The following PLEKHA4 variants were observed in gnomAD, a reference collection of about 807,000 sequenced individuals.
PLEKHA4 encodes the protein pleckstrin homology domain containing A4.
Under a neutral mutation model 94.7 loss-of-function variants are expected in PLEKHA4, and 73 were observed. The observed-to-expected ratio is 0.77, with a 90% CI of 0.64 to 0.94. The LOEUF (loss-of-function observed/expected upper bound fraction) is 0.94, where lower values mean the gene tolerates loss of function less well. PLEKHA4 is among the 40% of genes least tolerant of loss of function. The pLI is 0.00. For synonymous variants in PLEKHA4, 449 were observed against 437.1 expected (o/e 1.03, Z -0.34); for missense variants, 1,049 against 1,054.1 (o/e 1.00, Z 0.07).
rs2123205909 is a variant in PLEKHA4 at position 48,867,225 on chromosome 19, C to T, written c.84+312G>A. On this transcript the variant is annotated intron_variant, in intron 2 of 19. Coordinates refer to ENST00000263265, the MANE Select transcript of PLEKHA4 (RefSeq NM_020904.3). The surrounding 1 kb of genome is among the most constrained non-coding windows in gnomAD (Gnocchi z 4.7). ...AGAGATAGGACAGCAAGTTCTGGCA[C>T]TAATCAAGAGCAGCCACTACTTCTC... Among the ~76,000 whole-genome samples the T allele has an allele frequency of 6.7e-6, 1 of 148,710 alleles. No individual in the cohort carries two copies. Among genetic ancestry groups the T allele is most frequent in the East Asian group, 1.9e-4 (1 of 5,186 alleles).
intron 14 of PLEKHA4, 60 bp downstream of exon 14, chr19:48,847,840 C>T: frequency 6.7e-7 from 1 of 1,497,202 alleles, no homozygotes; most frequent in Non-Finnish European, 8.9e-7. Flanking sequence ...GGGGAATAGA[C>T]TGAGTCAAGG....
At chr19:48,864,559 G>A (rs1347069353) in intron 3 of PLEKHA4, among the ~76,000 whole-genome samples, 3 of 151,816 alleles carry the variant, frequency 2.0e-5, no homozygotes, top group African/African-American at 4.8e-5. Flanking sequence ...ATCATATTCC[G>A]TTTTTTTGTT....
chr19:48,848,974 A>G (rs1436567847), intron 13 of PLEKHA4, among the ~76,000 whole-genome samples: 1 of 152,028 alleles, frequency 6.6e-6, no homozygotes, highest in Non-Finnish European at 1.5e-5. Flanking sequence ...ATCATAGCTC[A>G]CTGCATCCTC....
chr19:48,853,757 C>G lies in PLEKHA4; in HGVS notation c.1251G>C (p.Gly417=), dbSNP rs2123045638. 5 of 1,612,932 alleles carry G rather than the reference C, an allele frequency of 3.1e-6. No individual in the cohort carries two copies. Among genetic ancestry groups the G allele is most frequent in the Non-Finnish European group, 4.2e-6 (5 of 1,179,672 alleles). The part of the protein sequence containing the change: ...GQATREAGAP[G]RAWGRQRLLQ... The stretch of plus-strand genomic sequence containing the variant: ...AGAGGCGCTGGCGACCCCAGGCCCT[C>G]CCGGGAGCCCCAGCCTCCCTGGTGG... The change falls in exon 12 of 20, where the codon GGG becomes GGC. Residue 417 remains glycine, a synonymous_variant. Coordinates refer to ENST00000263265, the MANE Select transcript of PLEKHA4 (RefSeq NM_020904.3).
rs1225541577 is a variant in PLEKHA4, at chr19:48,860,516, G to A, written c.367-57C>T. The A allele has an allele frequency of 5.9e-6, 8 of 1,356,918 alleles. No individual in the cohort carries two copies. The Admixed American group carries it at 1.2e-4, about 20-fold the overall frequency. The allele number at this position is 1,356,918 out of a possible 1,614,324, so 84.1% of individuals were successfully genotyped here. On this transcript the variant is annotated intron_variant, in intron 5 of 19. Transcript: ENST00000263265. ...CCCGGGCCTTGTAAAAAGGAGGACA[G>A]GCCGGACCGGTGACTCATTCCAGTA...
chr19:48,850,709 C>G (rs574810377), intron 13 of PLEKHA4, among the ~76,000 whole-genome samples: 172 of 150,334 alleles, frequency 1.1e-3, no homozygotes, highest in Admixed American at 2.3e-3. Flanking sequence ...CCCAGCTACT[C>G]GGGAGGCTGA....
At chr19:48,861,125 T>C (rs941502598) in intron 5 of PLEKHA4, among the ~76,000 whole-genome samples, 5 of 151,776 alleles carry the variant, frequency 3.3e-5, no homozygotes, top group African/African-American at 1.2e-4. Flanking sequence ...GGAGAATCCG[T>C]TGAACCCAGG....
chr19:48,851,308 A>G (rs1227610048), intron 13 of PLEKHA4, among the ~76,000 whole-genome samples: 3 of 152,096 alleles, frequency 2.0e-5, no homozygotes, highest in African/African-American at 7.2e-5. Flanking sequence ...ATGTACCCAC[A>G]ATACATTTTT....
intron 13 of PLEKHA4, among the ~76,000 whole-genome samples, 185 bp from the exon 14 acceptor site, chr19:48,848,225 G>A (rs1337199417): frequency 3.3e-5 from 5 of 151,722 alleles, no homozygotes; most frequent in Non-Finnish European, 7.4e-5. Flanking sequence ...GGTGGCTCAC[G>A]CCTGTAATCC....
chr19:48,860,839 A>AAG (rs917470509), intron 5 of PLEKHA4, among the ~76,000 whole-genome samples: 12 of 150,904 alleles, frequency 8.0e-5, no homozygotes, highest in South Asian at 6.4e-4. Flanking sequence ...GAAAGAAAGA[A>AAG]AGAGAGAGAG....
chr19:48,863,958 AT>A (rs1161835471), intron 3 of PLEKHA4, among the ~76,000 whole-genome samples: 1 of 152,172 alleles, frequency 6.6e-6, no homozygotes, highest in Non-Finnish European at 1.5e-5. Flanking sequence ...CTGGGGCCCC[AT>A]CCCCAGAGTT....
intron 14 of PLEKHA4, among the ~76,000 whole-genome samples, chr19:48,846,023 A>G (rs1378380210): frequency 6.6e-6 from 1 of 151,394 alleles, no homozygotes; most frequent in Non-Finnish European, 1.5e-5. Flanking sequence ...AAAAAAAAAA[A>G]AAAAAGACTA....
At chr19:48,858,829 G>T (rs764673339) in intron 8 of PLEKHA4, 31 bp downstream of exon 8, 2 of 1,612,698 alleles carry the variant, frequency 1.2e-6, no homozygotes, top group South Asian at 2.2e-5. Context: ...GATGGGAAAC[G>T]TAGTCCCCTC....
intron 17 of PLEKHA4, among the ~76,000 whole-genome samples, chr19:48,839,945 CA>C (rs111593297): frequency 1.5e-3 from 212 of 139,314 alleles, no homozygotes; most frequent in Middle Eastern, 3.7e-3. Flanking sequence ...ACTAAAAATA[CA>C]AAAAAAAAAA....
chr19:48,847,830 G>C, intron 14 of PLEKHA4, 70 bp downstream of exon 14: 1 of 1,465,946 alleles, frequency 6.8e-7, no homozygotes, highest in African/African-American at 1.4e-5. Context: ...AGAGGTGGGT[G>C]GGGAATAGAC....
intron 17 of PLEKHA4, among the ~76,000 whole-genome samples, 189 bp downstream of exon 17, chr19:48,840,960 A>G (rs1347209371): frequency 1.7e-5 from 2 of 118,702 alleles, no homozygotes; most frequent in Admixed American, 1.0e-4. Context: ...CCTCACTGCC[A>G]CTCCTGTCCA....
At position 48,852,338 on chromosome 19, in the gene PLEKHA4, T is replaced by A. The variant is rs376016425; in HGVS notation, c.1327-12A>T. On this transcript the variant is annotated splice_polypyrimidine_tract_variant and intron_variant, in intron 12 of 19. Coordinates refer to ENST00000263265, the MANE Select transcript of PLEKHA4 (RefSeq NM_020904.3). The stretch of plus-strand genomic sequence containing the variant: ...ACCCTCTCTCGCTCCTCAGGTTGCA[T>A]AAAGGGGGAGACATAGGTTAGGTCC... The A allele has an allele frequency of 5.6e-6, 9 of 1,607,498 alleles. No individual in the cohort carries two copies. The highest frequency in any genetic ancestry group is 1.7e-5 in the Admixed American group (1 of 59,924).
chr19:48,855,454 C>T (rs1212607245), intron 9 of PLEKHA4, among the ~76,000 whole-genome samples: 1 of 150,906 alleles, frequency 6.6e-6, no homozygotes, highest in Non-Finnish European at 1.5e-5. Flanking sequence ...AAATACAAAA[C>T]TTAGCCAGGC....
At chr19:48,842,130 GTTAAT>G (rs1490208854) in intron 16 of PLEKHA4, among the ~76,000 whole-genome samples, 150 of 143,404 alleles carry the variant, frequency 1.0e-3, no homozygotes, top group African/African-American at 3.9e-3. Flanking sequence ...ACCCTATGTT[GTTAAT>G]TTATTTTCTT....
Sources: gnomAD v4.1 joint callset for allele counts (sites outside exome capture counted in the v4.1 genomes callset) on GRCh38, gnomAD v4.1.1 for gene constraint, Gnocchi (gnomAD v3.1) non-coding constraint, MANE v1.5 for transcripts, NCBI Gene and HGNC (gene_info 2026-07-23, HGNC 2026-07-21) for gene names.